The following TTC13 variants were observed in gnomAD, a reference collection of about 807,000 sequenced individuals.
The protein encoded by TTC13 is tetratricopeptide repeat protein 13.
Under a neutral mutation model 120.0 loss-of-function variants are expected in TTC13, and 62 were observed. The observed-to-expected ratio is 0.52, with a 90% CI of 0.42 to 0.64. The LOEUF is 0.64. TTC13 is among the 30% of genes least tolerant of loss of function. The pLI is 0.00. For missense variants in TTC13, 824 were observed against 1,050.2 expected (o/e 0.78, Z 2.98); for synonymous variants, 384 against 393.5 (o/e 0.98, Z 0.28).
chr1:230,955,981 A>G (rs1286817573), intron 3 of TTC13, among the ~76,000 whole-genome samples: 3 of 152,166 alleles, frequency 2.0e-5, no homozygotes, highest in African/African-American at 7.2e-5. Flanking sequence ...TTAGTAGTAA[A>G]AACAGCAGCA....
intron 5 of TTC13, among the ~76,000 whole-genome samples, chr1:230,945,112 C>T (rs888284645): frequency 2.6e-5 from 4 of 152,088 alleles, no homozygotes; most frequent in Non-Finnish European, 5.9e-5. Context: ...CTATTGATGC[C>T]CAGTCTCCAC....
rs746862601 is a variant in TTC13, at chr1:230,944,435, G to C, written c.580-537C>G. On this transcript the variant is annotated intron_variant, in intron 5 of 22. Coordinates refer to ENST00000366661, the MANE Select transcript of TTC13 (RefSeq NM_024525.5). The surrounding 1 kb of genome is among the most constrained non-coding windows in gnomAD (Gnocchi z 4.0). ...AATCTCAAGATATATAATTTTAAAAGATGAGAATTAGGAAGAGGCAGCTCT... is the reference window on the plus strand; with the variant it reads ...AATCTCAAGATATATAATTTTAAAACATGAGAATTAGGAAGAGGCAGCTCT... 1.3e-5 allele frequency among the ~76,000 whole-genome samples: 2 copies of C among 152,056 alleles called. No homozygotes were observed. The highest frequency in any genetic ancestry group is 2.9e-5 in the Non-Finnish European group (2 of 68,010).
chr1:230,944,501 GCT>G lies in TTC13; in HGVS notation c.580-605_580-604del, dbSNP rs1374853128. ...AACTTCAACCTGGTCATTCATTGAT[GCT>G]CTGAGTAAAATATCATTTCCTTCCT... On this transcript the variant is annotated intron_variant, in intron 5 of 22. Coordinates refer to ENST00000366661, the MANE Select transcript of TTC13 (RefSeq NM_024525.5). This position sits in a 1 kb window ranked among gnomAD's most constrained non-coding sequence, Gnocchi z 4.0. Among the ~76,000 whole-genome samples, 4 of 152,090 alleles carry G rather than the reference GCT, an allele frequency of 2.6e-5. No individual in the cohort carries two copies. Among genetic ancestry groups the G allele is most frequent in the African/African-American group, 9.7e-5 (4 of 41,416 alleles).
chr1:230,920,427 T>C lies in TTC13; in HGVS notation c.1983+83A>G, dbSNP rs749935019. 10 of 962,374 alleles carry C rather than the reference T, an allele frequency of 1.0e-5. No homozygotes were observed. The Admixed American group carries it at 1.8e-4, about 18-fold the overall frequency. 59.6% of individuals were successfully genotyped at this position (962,374 alleles called of 1,614,324 possible). A position where few individuals can be genotyped will look rare whatever the true frequency, so the allele number is the denominator to read the frequency against. ...ACGAGTGATTTCAAATAGCATTTAA[T>C]AATTCTGAGTTCTTTTTAAAAAAGT... On this transcript the variant is annotated intron_variant, in intron 17 of 22. Transcript: ENST00000366661.
Position 230,954,379 on chromosome 1 carries a change from C to T in TTC13, c.467G>A (p.Ser156Asn). 1 of 1,612,150 alleles carries T rather than the reference C, an allele frequency of 6.2e-7. No homozygotes were observed. The change falls in exon 4 of 23, where the codon AGT (serine) becomes AAT (asparagine). Residue 156 changes from serine to asparagine, a missense_variant. This residue lies in a region of TTC13 where 430 missense variants were observed against 626.8 expected (regional missense o/e 0.69). Coordinates refer to ENST00000366661, the MANE Select transcript of TTC13 (RefSeq NM_024525.5). ...ELAIAYVLIGSGLYDEAIRHF... is the reference protein window; with the variant it reads ...ELAIAYVLIGNGLYDEAIRHF... ...CCGTATTGCTTCATCATACAGACCA[C>T]TGCCAATCAAGACATAAGCAATAGC... is the stretch of plus-strand genomic sequence containing the variant.
At position 230,940,901 on chromosome 1, in the gene TTC13, T is replaced by C. The variant is rs1177538111; in HGVS notation, c.673-345A>G. Among the ~76,000 whole-genome samples, 1 of 152,228 alleles carries C rather than the reference T, an allele frequency of 6.6e-6. No homozygotes were observed. Among genetic ancestry groups the C allele is most frequent in the Non-Finnish European group, 1.5e-5 (1 of 68,040 alleles). On this transcript the variant is annotated intron_variant, in intron 6 of 22. Transcript: ENST00000366661. The surrounding 1 kb of genome is among the most constrained non-coding windows in gnomAD (Gnocchi z 4.1). ...AATTTGGCATCTATACACAAAGATG[T>C]CAAAATTAACCTGAAAGATAACTTT...
chr1:230,949,890 C>A (rs1263661756), intron 4 of TTC13, among the ~76,000 whole-genome samples: 1 of 152,164 alleles, frequency 6.6e-6, no homozygotes, highest in Non-Finnish European at 1.5e-5. Context: ...ACCTCGTGAT[C>A]CGCCCGCCTT....
intron 12 of TTC13, 99 bp downstream of exon 12, chr1:230,928,838 T>C: frequency 1.5e-6 from 2 of 1,300,978 alleles, no homozygotes; most frequent in Middle Eastern, 2.2e-4. Flanking sequence ...CAATTCTACC[T>C]CACCCTCCCA....
intron 3 of TTC13, 46 bp from the exon 4 acceptor site, chr1:230,954,449 T>C: frequency 7.0e-7 from 1 of 1,424,894 alleles, no homozygotes. Flanking sequence ...ATAAAGTAGT[T>C]CTAACTAGAA....
At chr1:230,966,429 TTAAA>T (rs1212945303) in intron 1 of TTC13, among the ~76,000 whole-genome samples, 1 of 136,810 alleles carries the variant, frequency 7.3e-6, no homozygotes, top group East Asian at 2.0e-4. Flanking sequence ...ATCTCTTTAT[TTAAA>T]TATTTTATTA....
Position 230,925,504 on chromosome 1 carries a change from G to C in TTC13, c.1588+13C>G, listed in dbSNP as rs1416526258. ...CCAGGAATATTTTCATTTTCAGGTAGTTTCCAGAATACCTCTGTGTATTCT... is the reference window on the plus strand; with the variant it reads ...CCAGGAATATTTTCATTTTCAGGTACTTTCCAGAATACCTCTGTGTATTCT... On this transcript the variant is annotated intron_variant, in intron 13 of 22. Coordinates refer to ENST00000366661, the MANE Select transcript of TTC13 (RefSeq NM_024525.5). 17 of 1,613,352 alleles carry C rather than the reference G, an allele frequency of 1.1e-5. No homozygotes were observed. The highest frequency in any genetic ancestry group is 1.4e-5 in the Non-Finnish European group (17 of 1,179,546).
At chr1:230,925,906 C>G (rs942729464) in intron 12 of TTC13, among the ~76,000 whole-genome samples, 6 of 152,102 alleles carry the variant, frequency 3.9e-5, no homozygotes, top group Admixed American at 6.5e-5. Flanking sequence ...TCAGAAGACA[C>G]CTCTTTCCAT....
chr1:230,962,134 C>T (rs895444884), intron 1 of TTC13, among the ~76,000 whole-genome samples: 2 of 151,554 alleles, frequency 1.3e-5, no homozygotes, highest in South Asian at 4.2e-4. Context: ...CGCTTGAACC[C>T]GGGAGGCAGA....
chr1:230,924,624 G>T (rs561998361), intron 14 of TTC13, among the ~76,000 whole-genome samples: 3 of 152,198 alleles, frequency 2.0e-5, no homozygotes, highest in Non-Finnish European at 1.5e-5. Context: ...GAGCCACTGC[G>T]CCCAGCCAAT....
chr1:230,940,367 G>A lies in TTC13; in HGVS notation c.789+73C>T. 1 of 963,628 alleles carries A rather than the reference G, an allele frequency of 1.0e-6. No individual in the cohort carries two copies. 59.7% of individuals were successfully genotyped at this position (963,628 alleles called of 1,614,324 possible). On this transcript the variant is annotated intron_variant, in intron 7 of 22. Transcript: ENST00000366661. This position sits in a 1 kb window ranked among gnomAD's most constrained non-coding sequence, Gnocchi z 4.1. ...AGTCAAAGCCCAAATCTATCAAAGA[G>A]TCACTTTCTGAGGTCAAGGGAAAAA... is the stretch of plus-strand genomic sequence containing the variant.
At chr1:230,910,693 C>T (rs1260116286) in intron 20 of TTC13, among the ~76,000 whole-genome samples, 2 of 152,244 alleles carry the variant, frequency 1.3e-5, no homozygotes, top group Admixed American at 6.5e-5. Context: ...ACAGGCCTCA[C>T]ATCCCTTATT....
At chr1:230,911,595 A>G in intron 19 of TTC13, 46 bp from the exon 20 acceptor site, 1 of 1,303,880 alleles carries the variant, frequency 7.7e-7, no homozygotes, top group Non-Finnish European at 1.1e-6. Context: ...AAGATTACAA[A>G]CTAATTTTTC....
Position 230,948,400 on chromosome 1 carries a change from C to CAA in TTC13, c.514-2948_514-2947dup, listed in dbSNP as rs57051929. ...CACTAAAGGGTAGCAACTCACAATACAAAAAAAAAAAAAAAAGGTAACATC... is the reference window on the plus strand; with the variant it reads ...CACTAAAGGGTAGCAACTCACAATACAAAAAAAAAAAAAAAAAAGGTAACATC... On this transcript the variant is annotated intron_variant, in intron 4 of 22. Coordinates refer to ENST00000366661, the MANE Select transcript of TTC13 (RefSeq NM_024525.5). Among the ~76,000 whole-genome samples, 923 of 96,582 alleles carry CAA rather than the reference C, an allele frequency of 9.6e-3. 24 individuals are homozygous for CAA. The highest frequency in any genetic ancestry group is 0.032 in the African/African-American group (860 of 26,690). 63.4% of individuals were successfully genotyped at this position (96,582 alleles called of 152,430 possible). A position where few individuals can be genotyped will look rare whatever the true frequency, so the allele number is the denominator to read the frequency against.
chr1:230,922,728 G>A (rs1179719398), intron 15 of TTC13, among the ~76,000 whole-genome samples: 1 of 152,092 alleles, frequency 6.6e-6, no homozygotes, highest in African/African-American at 2.4e-5. Flanking sequence ...GCTTTATCAG[G>A]CACCCCTTCT....
Sources: gnomAD v4.1 joint callset for allele counts (sites outside exome capture counted in the v4.1 genomes callset) on GRCh38, gnomAD v4.1.1 for gene constraint, gnomAD v4.1.1 regional missense constraint, Gnocchi (gnomAD v3.1) non-coding constraint, MANE v1.5 for transcripts, NCBI Gene and HGNC (gene_info 2026-07-23, HGNC 2026-07-21) for gene names.